Variants in ZFHX3 observed in about 807,000 individuals in gnomAD.
The protein encoded by ZFHX3 is zinc finger homeobox protein 3.
In ZFHX3, 42 loss-of-function variants were observed where a neutral mutation model predicts 279.1. That is an observed-to-expected ratio of 0.15 (90% CI 0.12 to 0.19). The LOEUF is 0.19. Among genes scored for constraint, ZFHX3 ranks in the 10% least tolerant of loss-of-function variants. The pLI is 1.00. For synonymous variants in ZFHX3, 2,293 were observed against 1,957.8 expected (o/e 1.17, Z -4.52); for missense variants, 4,981 against 4,754.0 (o/e 1.05, Z -1.40).
At chr16:73,311,966 T>C (rs575279689) in intron 4 of ZFHX3, among the ~76,000 whole-genome samples, 1 of 152,200 alleles carries the variant, frequency 6.6e-6, no homozygotes, top group Admixed American at 6.5e-5. Context: ...GATCTAAACT[T>C]AGGACACCTT....
At chr16:73,874,394 A>C (rs905393328) in intron 1 of ZFHX3, among the ~76,000 whole-genome samples, 3 of 152,214 alleles carry the variant, frequency 2.0e-5, no homozygotes, top group African/African-American at 7.2e-5. Context: ...CTAAGAATCA[A>C]ATGAACAAAG....
At chr16:73,067,874 C>G (rs1294944801) in intron 8 of ZFHX3, among the ~76,000 whole-genome samples, 1 of 152,160 alleles carries the variant, frequency 6.6e-6, no homozygotes, top group African/African-American at 2.4e-5. Context: ...TTCCACGGAC[C>G]AAGGGCCCCT....
chr16:73,765,407 C>G (rs889994757), intron 1 of ZFHX3, among the ~76,000 whole-genome samples: 3 of 152,140 alleles, frequency 2.0e-5, no homozygotes. Flanking sequence ...TAAATCTGAT[C>G]TTATACACTG....
At chr16:73,313,771 G>A (rs1382048738) in intron 4 of ZFHX3, among the ~76,000 whole-genome samples, 1 of 152,198 alleles carries the variant, frequency 6.6e-6, no homozygotes, top group Admixed American at 6.5e-5. Context: ...TTAATTTTAT[G>A]TGTCAGCTTG....
chr16:73,161,232 C>A (rs564188417), intron 5 of ZFHX3, among the ~76,000 whole-genome samples: 1 of 152,210 alleles, frequency 6.6e-6, no homozygotes, highest in African/African-American at 2.4e-5. Context: ...TCTCAGCCTC[C>A]CAAACTTCTA....
intron 2 of ZFHX3, among the ~76,000 whole-genome samples, chr16:73,607,686 G>A (rs758962891): frequency 6.6e-6 from 1 of 152,156 alleles, no homozygotes; most frequent in Non-Finnish European, 1.5e-5. Flanking sequence ...CCACAGGCAA[G>A]TTTCATCATA....
intron 1 of ZFHX3, among the ~76,000 whole-genome samples, chr16:73,814,995 A>G (rs1375546399): frequency 6.6e-6 from 1 of 152,148 alleles, no homozygotes; most frequent in Non-Finnish European, 1.5e-5. Flanking sequence ...ACCATACTTA[A>G]AAGTAGGGTG....
At chr16:73,555,504 G>T (rs1288912304) in intron 2 of ZFHX3, among the ~76,000 whole-genome samples, 1 of 151,074 alleles carries the variant, frequency 6.6e-6, no homozygotes, top group East Asian at 2.0e-4. Context: ...TCCCTCCCCA[G>T]TGGGATTTCA....
intron 8 of ZFHX3, among the ~76,000 whole-genome samples, chr16:73,064,950 G>T (rs1203071520): frequency 6.6e-6 from 1 of 152,202 alleles, no homozygotes; most frequent in African/African-American, 2.4e-5. Context: ...AGCCTGGGGC[G>T]AGTGAAGAAG....
chr16:73,783,698 C>G (rs1250188892), intron 1 of ZFHX3, among the ~76,000 whole-genome samples: 1 of 152,160 alleles, frequency 6.6e-6, no homozygotes, highest in Non-Finnish European at 1.5e-5. Flanking sequence ...CACTATGTAC[C>G]AGTCACAGTG....
chr16:73,288,292 T>C lies in ZFHX3; in HGVS notation c.-1194+29948A>G, dbSNP rs749932665. On this transcript the variant is annotated intron_variant, in intron 4 of 17. Coordinates refer to the ZFHX3 transcript ENST00000641206. ...CTCAAATAAAAATCCGGCCAGGGGA[T>C]TGCAGGCTCCCAGTCCCAGACAGAA... is the stretch of plus-strand genomic sequence containing the variant. 1.4e-3 allele frequency among the ~76,000 whole-genome samples: 213 copies of C among 152,174 alleles called. 1 individual carries two copies. Among genetic ancestry groups the C allele is most frequent in the Admixed American group, 6.5e-4 (10 of 15,288 alleles).
intron 4 of ZFHX3, among the ~76,000 whole-genome samples, chr16:73,263,259 C>T (rs2013875097): frequency 6.6e-6 from 1 of 151,800 alleles, no homozygotes; most frequent in Admixed American, 6.6e-5. Context: ...GCAGTCACTA[C>T]AGCCTCAACC....
chr16:73,616,007 C>T (rs138341128), intron 2 of ZFHX3, among the ~76,000 whole-genome samples: 1 of 152,120 alleles, frequency 6.6e-6, no homozygotes, highest in East Asian at 1.9e-4. Flanking sequence ...ATAAAAGCAA[C>T]ATGAAATTTT....
intron 3 of ZFHX3, among the ~76,000 whole-genome samples, chr16:73,387,742 T>C (rs917812166): frequency 6.6e-6 from 1 of 152,076 alleles, no homozygotes; most frequent in African/African-American, 2.4e-5. Flanking sequence ...TTTAGAACCA[T>C]GTATAGTAAT....
intron 7 of ZFHX3, among the ~76,000 whole-genome samples, chr16:73,115,843 G>C (rs1966425788): frequency 6.6e-6 from 1 of 152,124 alleles, no homozygotes; most frequent in Admixed American, 6.5e-5. Context: ...CTCTGGCCAG[G>C]TACAGTGGCT....
At chr16:72,996,107 AACACACAC>A (rs10550323) in intron 1 of ZFHX3, among the ~76,000 whole-genome samples, 11 of 147,078 alleles carry the variant, frequency 7.5e-5, no homozygotes, top group South Asian at 4.4e-4. Context: ...GTCTCTACTA[AACACACAC>A]ACACACACAC....
rs373811750 is a variant in ZFHX3 at position 73,713,152 on chromosome 16, A to G, written c.-1607-32912T>C. On this transcript the variant is annotated intron_variant, in intron 1 of 17. Transcript: ENST00000641206. ...AATCGTTTAGTACAAGTCATTTTAC[A>G]TGCTGGGATAATGAAGTATAAAAAT... is the stretch of plus-strand genomic sequence containing the variant. Among the ~76,000 whole-genome samples the G allele has an allele frequency of 6.6e-5, 10 of 152,360 alleles. No homozygotes were observed. The East Asian group carries it at 1.2e-3, about 18-fold the overall frequency.
intron 3 of ZFHX3, among the ~76,000 whole-genome samples, chr16:72,923,450 GAA>G (rs34096322): frequency 4.8e-3 from 411 of 86,088 alleles, no homozygotes; most frequent in African/African-American, 0.015. Context: ...TCTCAGACCA[GAA>G]AAAAAAAAAA....
At chr16:73,170,301 G>C (rs1380667014) in intron 5 of ZFHX3, among the ~76,000 whole-genome samples, 2 of 132,592 alleles carry the variant, frequency 1.5e-5, no homozygotes, top group Non-Finnish European at 3.0e-5. Context: ...CACGATCTCG[G>C]CTCACTGCAA....
Sources: allele counts gnomAD v4.1 joint callset (sites outside exome capture counted in the v4.1 genomes callset), GRCh38; gene constraint gnomAD v4.1.1; transcripts MANE v1.5; gene names NCBI Gene and HGNC (gene_info 2026-07-23, HGNC 2026-07-21).